The following MYL12B variants were observed in gnomAD, a reference collection of about 807,000 sequenced individuals.
MYL12B encodes the protein myosin light chain 12B.
MYL12B carries 3 observed loss-of-function variants against 12.9 expected under a neutral mutation model. The observed-to-expected ratio is 0.23, with a 90% CI of 0.11 to 0.60. The LOEUF (loss-of-function observed/expected upper bound fraction) is 0.60. MYL12B is among the 20% of genes least tolerant of loss of function. MYL12B has a pLI of 0.89. For missense variants in MYL12B, 120 were observed against 215.4 expected (o/e 0.56, Z 2.77); for synonymous variants, 57 against 71.9 (o/e 0.79, Z 1.05).
At chr18:3,268,088 CTGTA>C (rs1361516801) in intron 1 of MYL12B, among the ~76,000 whole-genome samples, 1 of 152,266 alleles carries the variant, frequency 6.6e-6, no homozygotes, top group South Asian at 2.1e-4. Flanking sequence ...GGAGGGCTAA[CTGTA>C]TGGGTTGGGT....
At chr18:3,270,596 TC>T (rs1469443670) in intron 1 of MYL12B, among the ~76,000 whole-genome samples, 4 of 152,206 alleles carry the variant, frequency 2.6e-5, no homozygotes, top group Non-Finnish European at 1.5e-5. Flanking sequence ...GGACTAAACT[TC>T]AAAAATGTTT....
chr18:3,274,355 T>C (rs1370978664), intron 2 of MYL12B, among the ~76,000 whole-genome samples: 1 of 152,214 alleles, frequency 6.6e-6, no homozygotes, highest in Non-Finnish European at 1.5e-5. Flanking sequence ...TTTGAGACCT[T>C]CTGTTTTGCA....
At chr18:3,264,206 C>T (rs2144350857) in intron 1 of MYL12B, among the ~76,000 whole-genome samples, 1 of 152,196 alleles carries the variant, frequency 6.6e-6, no homozygotes, top group Admixed American at 6.5e-5. Flanking sequence ...CGGGACCTAC[C>T]TTGTAATGAA....
intron 1 of MYL12B, chr18:3,262,672 C>G (rs2081602830): frequency 6.6e-6 from 1 of 152,306 alleles, no homozygotes; most frequent in South Asian, 2.1e-4. Flanking sequence ...CGGGCGTGTT[C>G]GTGTGGAGCA....
chr18:3,271,484 A>C (rs1036203526), intron 1 of MYL12B, among the ~76,000 whole-genome samples: 2 of 152,232 alleles, frequency 1.3e-5, no homozygotes, highest in African/African-American at 4.8e-5. Context: ...ACTTAGGTCC[A>C]AAATCCCCTT....
At chr18:3,277,500 T>A in intron 3 of MYL12B, 86 bp downstream of exon 3, 1 of 1,530,704 alleles carries the variant, frequency 6.5e-7, no homozygotes, top group South Asian at 1.3e-5. Flanking sequence ...TTTTTTACCT[T>A]TAGAAAATAT....
chr18:3,274,918 TA>T (rs1276461007), intron 2 of MYL12B, among the ~76,000 whole-genome samples: 8 of 152,136 alleles, frequency 5.3e-5, no homozygotes, highest in African/African-American at 1.9e-4. Flanking sequence ...CTCAGAGAAC[TA>T]AAAATAGGAG....
chr18:3,275,246 T>TG (rs1465992768), intron 2 of MYL12B, among the ~76,000 whole-genome samples: 5 of 152,114 alleles, frequency 3.3e-5, no homozygotes, highest in Admixed American at 3.3e-4. Context: ...CTCACACACT[T>TG]GTGGGAGCTA....
intron 1 of MYL12B, among the ~76,000 whole-genome samples, chr18:3,264,465 A>G (rs1328580755): frequency 1.3e-5 from 2 of 152,112 alleles, no homozygotes; most frequent in Non-Finnish European, 2.9e-5. Context: ...ATGCTTTGAG[A>G]AGCCAATGTG....
At position 3,272,919 on chromosome 18, in the gene MYL12B, G is replaced by T; in HGVS notation, c.21G>T (p.Lys7Asn). 6.2e-7 allele frequency: 1 copy of T among 1,607,706 alleles called. No homozygotes were observed. Among genetic ancestry groups the T allele is most frequent in the Non-Finnish European group, 8.5e-7 (1 of 1,177,394 alleles). MSSKKA[K>N]TKTTKKRPQR... ...CCACCATGTCGAGCAAAAAGGCAAA[G>T]ACCAAGACCACCAAGAAGCGCCCTC... is the stretch of plus-strand genomic sequence containing the variant. Residue 7 changes from lysine (K) to asparagine (N), a missense_variant, in exon 2 of 4, where the codon AAG becomes AAT. Transcript: ENST00000237500.
intron 1 of MYL12B, among the ~76,000 whole-genome samples, chr18:3,266,396 A>G (rs966627062): frequency 5.3e-5 from 8 of 152,286 alleles, no homozygotes; most frequent in Non-Finnish European, 1.0e-4. Context: ...GACAAAGCCA[A>G]ACACCCTCAT....
chr18:3,264,724 CA>C (rs2081623427), intron 1 of MYL12B, among the ~76,000 whole-genome samples: 1 of 152,142 alleles, frequency 6.6e-6, no homozygotes, highest in African/African-American at 2.4e-5. Context: ...TGAAAGAAGA[CA>C]GGCATATATA....
intron 1 of MYL12B, among the ~76,000 whole-genome samples, chr18:3,269,022 G>A (rs2081656363): frequency 6.6e-6 from 1 of 152,098 alleles, no homozygotes; most frequent in Non-Finnish European, 1.5e-5. Context: ...AAAATAGCAG[G>A]AACAAAGATA....
intron 2 of MYL12B, among the ~76,000 whole-genome samples, chr18:3,273,838 G>T (rs1025083855): frequency 8.7e-6 from 1 of 114,344 alleles, no homozygotes; most frequent in African/African-American, 3.4e-5. Flanking sequence ...AAAAGGCAAA[G>T]AAAGAGGTGG....
intron 2 of MYL12B, 99 bp from the exon 3 acceptor site, chr18:3,277,154 T>A (rs1268290403): frequency 7.0e-6 from 9 of 1,286,980 alleles, no homozygotes; most frequent in Non-Finnish European, 9.2e-6. Flanking sequence ...TTTCAAATGA[T>A]GTACATTTTA....
At chr18:3,263,188 G>C (rs1632220) in intron 1 of MYL12B, 144,458 of 152,086 alleles carry the variant, frequency 0.95, 68,665 homozygotes, top group Non-Finnish European at 0.98. Flanking sequence ...AGAAAGAAAA[G>C]ATTATCTAAG....
At chr18:3,262,488 C>G (rs919912846) in intron 1 of MYL12B, 16 of 152,206 alleles carry the variant, frequency 1.1e-4, no homozygotes, top group African/African-American at 3.6e-4. Flanking sequence ...GCGATGGAGC[C>G]GGTATGGGGA....
intron 1 of MYL12B, among the ~76,000 whole-genome samples, chr18:3,270,049 TA>T (rs1351499440): frequency 6.6e-6 from 1 of 152,154 alleles, no homozygotes; most frequent in Non-Finnish European, 1.5e-5. Context: ...CAAGAAGATT[TA>T]GACCAGATTT....
intron 1 of MYL12B, among the ~76,000 whole-genome samples, chr18:3,267,534 T>G (rs2081643301): frequency 6.6e-6 from 1 of 152,202 alleles, no homozygotes; most frequent in Non-Finnish European, 1.5e-5. Flanking sequence ...AATACAGTAG[T>G]CCTATATGAT....
Sources: allele counts gnomAD v4.1 joint callset (sites outside exome capture counted in the v4.1 genomes callset), GRCh38; gene constraint gnomAD v4.1.1; transcripts MANE v1.5; gene names NCBI Gene and HGNC (gene_info 2026-07-23, HGNC 2026-07-21).